The following SHISA9 variants were observed in gnomAD, a reference collection of about 807,000 sequenced individuals.
SHISA9 encodes the protein shisa family member 9, also known as protein shisa-9.
A neutral mutation model predicts 38.0 loss-of-function variants in SHISA9; 13 were observed. The observed-to-expected ratio is 0.34, with a 90% CI of 0.22 to 0.54. The LOEUF (loss-of-function observed/expected upper bound fraction) is 0.54. Among genes scored for constraint, SHISA9 ranks in the 20% least tolerant of loss-of-function variants. The pLI, the probability that SHISA9 is intolerant of heterozygous loss-of-function variation, is 0.91. For missense variants in SHISA9, 538 were observed against 575.8 expected (o/e 0.93, Z 0.67); for synonymous variants, 275 against 242.0 (o/e 1.14, Z -1.27).
rs141299027 is a variant in SHISA9 at position 13,227,046 on chromosome 16, C to T, written c.896-7984C>T. Among the ~76,000 whole-genome samples the T allele has an allele frequency of 3.4e-3, 515 of 152,326 alleles. 4 individuals are homozygous for T. The highest frequency in any genetic ancestry group is 0.012 in the African/African-American group (493 of 41,582). ...GTGGGTTGCTCTTTCTGTTACTCTT[C>T]ACCTTCTGATCTCAGCTTAAAGAGT... On this transcript the variant is annotated intron_variant, in intron 4 of 4. Transcript: ENST00000558583.
At chr16:13,079,622 A>G (rs1490315356) in intron 2 of SHISA9, among the ~76,000 whole-genome samples, 1 of 152,210 alleles carries the variant, frequency 6.6e-6, no homozygotes, top group Non-Finnish European at 1.5e-5. Context: ...TTCTCCTGGA[A>G]GATCCATTTT....
chr16:12,927,993 A>G (rs1183759783), intron 2 of SHISA9, among the ~76,000 whole-genome samples: 1 of 152,244 alleles, frequency 6.6e-6, no homozygotes, highest in Non-Finnish European at 1.5e-5. Context: ...TTGCCAAAAA[A>G]GAAAATTAAG....
chr16:12,999,074 T>C (rs2072493237), intron 2 of SHISA9, among the ~76,000 whole-genome samples: 1 of 152,200 alleles, frequency 6.6e-6, no homozygotes, highest in African/African-American at 2.4e-5. Flanking sequence ...TATTGGTTCA[T>C]TAACACTGAA....
At chr16:13,248,296 A>G in the SHISA9 span, among the ~76,000 whole-genome samples, 1 of 152,212 alleles carries the variant, frequency 6.6e-6, no homozygotes. Flanking sequence ...CAGAGCATCT[A>G]CGATGTGCCA....
chr16:13,131,807 A>C (rs1037996856), intron 2 of SHISA9, among the ~76,000 whole-genome samples: 2 of 152,138 alleles, frequency 1.3e-5, no homozygotes, highest in East Asian at 1.9e-4. Flanking sequence ...CCTATTTGGG[A>C]CAGAGTTCTG....
At chr16:12,921,307 A>C (rs2071324954) in intron 2 of SHISA9, among the ~76,000 whole-genome samples, 1 of 152,208 alleles carries the variant, frequency 6.6e-6, no homozygotes, top group Non-Finnish European at 1.5e-5. Flanking sequence ...TGACTCTCCT[A>C]GGACAGTTCC....
intron 2 of SHISA9, among the ~76,000 whole-genome samples, chr16:13,173,242 G>A (rs1027241582): frequency 6.6e-6 from 1 of 150,818 alleles, no homozygotes; most frequent in African/African-American, 2.4e-5. Flanking sequence ...TAACACCTTA[G>A]CGTTAACAAT....
At chr16:13,434,568 C>T in the SHISA9 span, among the ~76,000 whole-genome samples, 5 of 151,862 alleles carry the variant, frequency 3.3e-5, no homozygotes, top group African/African-American at 1.2e-4. Context: ...CAGGCGCCCG[C>T]CACCAAGCCC....
At chr16:13,521,976 C>T in the SHISA9 span, among the ~76,000 whole-genome samples, 1 of 152,152 alleles carries the variant, frequency 6.6e-6, no homozygotes, top group South Asian at 2.1e-4. Flanking sequence ...TTGCATGAAG[C>T]CCACATATAC....
intron 2 of SHISA9, among the ~76,000 whole-genome samples, chr16:13,099,696 G>A (rs2073860410): frequency 6.6e-6 from 1 of 152,176 alleles, no homozygotes; most frequent in Admixed American, 6.5e-5. Context: ...GGTTGGTGGG[G>A]GCAGAAGCAG....
the SHISA9 span, among the ~76,000 whole-genome samples, chr16:13,383,418 T>A: frequency 4.6e-5 from 7 of 152,152 alleles, no homozygotes; most frequent in African/African-American, 1.7e-4. Flanking sequence ...AATAAAAATA[T>A]GGGGGAAGAA....
chr16:13,484,886 A>G, the SHISA9 span, among the ~76,000 whole-genome samples: 4 of 152,100 alleles, frequency 2.6e-5, no homozygotes, highest in Non-Finnish European at 1.5e-5. Context: ...ATCACCTCCC[A>G]CCAGGTTTCT....
the SHISA9 span, among the ~76,000 whole-genome samples, chr16:13,335,410 T>A: frequency 9.9e-5 from 15 of 152,202 alleles, no homozygotes; most frequent in African/African-American, 3.4e-4. Context: ...ATAAATATGC[T>A]TTCAATATCT....
chr16:13,305,043 AT>A, the SHISA9 span, among the ~76,000 whole-genome samples: 191 of 152,336 alleles, frequency 1.3e-3, no homozygotes, highest in African/African-American at 4.0e-3. Context: ...GGTGTTTTCA[AT>A]TTTGAATCGT....
intron 2 of SHISA9, among the ~76,000 whole-genome samples, chr16:12,962,410 T>C (rs1048996098): frequency 8.5e-5 from 13 of 152,220 alleles, no homozygotes; most frequent in East Asian, 7.7e-4. Flanking sequence ...ATGGACTGAA[T>C]GTTTGGGTCT....
chr16:13,192,939 GGAA>G (rs1300480379), intron 2 of SHISA9, among the ~76,000 whole-genome samples: 8 of 150,902 alleles, frequency 5.3e-5, no homozygotes, highest in Admixed American at 2.0e-4. Context: ...AGGAGGAAGA[GGAA>G]GAAGAAGAAG....
At chr16:13,411,689 T>C in the SHISA9 span, among the ~76,000 whole-genome samples, 1 of 152,312 alleles carries the variant, frequency 6.6e-6, no homozygotes, top group Middle Eastern at 3.4e-3. Context: ...GTAAGGAGAA[T>C]CAGGATATAG....
At chr16:12,912,792 A>G (rs535125699) in intron 1 of SHISA9, among the ~76,000 whole-genome samples, 1 of 152,290 alleles carries the variant, frequency 6.6e-6, no homozygotes, top group African/African-American at 2.4e-5. Flanking sequence ...CACTCTGTGA[A>G]ACAGGTGATG....
intron 2 of SHISA9, among the ~76,000 whole-genome samples, chr16:12,921,925 C>A (rs1368443636): frequency 3.9e-5 from 6 of 152,148 alleles, no homozygotes; most frequent in Non-Finnish European, 5.9e-5. Context: ...AACATGGATT[C>A]CTCAAAACCT....
Sources: allele counts gnomAD v4.1 joint callset (sites outside exome capture counted in the v4.1 genomes callset), GRCh38; gene constraint gnomAD v4.1.1; transcripts MANE v1.5; gene names NCBI Gene and HGNC (gene_info 2026-07-23, HGNC 2026-07-21).